MERTK: variants seen among roughly 807,000 people sequenced by gnomAD.
MERTK encodes the protein MER proto-oncogene, tyrosine kinase.
In MERTK, 69 loss-of-function variants were observed where a neutral mutation model predicts 99.3. The ratio of observed to expected loss-of-function variants is 0.70; its 90% CI spans 0.57 to 0.85. The LOEUF (loss-of-function observed/expected upper bound fraction) is 0.85, where lower values mean the gene tolerates loss of function less well. Among genes scored for constraint, MERTK ranks in the 40% least tolerant of loss-of-function variants. The pLI, the probability that MERTK is intolerant of heterozygous loss-of-function variation, is 0.00. For synonymous variants in MERTK, 426 were observed against 467.6 expected (o/e 0.91, Z 1.15); for missense variants, 1,125 against 1,249.4 (o/e 0.90, Z 1.50).
intron 8 of MERTK, among the ~76,000 whole-genome samples, chr2:111,985,761 C>T (rs556336231): frequency 2.5e-4 from 38 of 152,168 alleles, no homozygotes; most frequent in African/African-American, 9.2e-4. Context: ...CACGGGAAAA[C>T]CCCGCCCCCA....
At chr2:111,901,847 G>A (rs1211861322) in intron 1 of MERTK, among the ~76,000 whole-genome samples, 1 of 150,956 alleles carries the variant, frequency 6.6e-6, no homozygotes, top group Non-Finnish European at 1.5e-5. Context: ...GAGCCACCAT[G>A]CACAGCTGAA....
intron 4 of MERTK, among the ~76,000 whole-genome samples, chr2:111,949,779 A>G (rs1234895123): frequency 6.6e-6 from 1 of 152,142 alleles, no homozygotes; most frequent in African/African-American, 2.4e-5. Context: ...CTGTTCTTAT[A>G]TCTGTCATCA....
chr2:111,966,689 TA>T lies in MERTK; in HGVS notation c.844+1414del, dbSNP rs1307516164. Among the ~76,000 whole-genome samples, 3 of 152,212 alleles carry T rather than the reference TA, an allele frequency of 2.0e-5. No individual in the cohort carries two copies. The East Asian group carries it at 5.8e-4, about 29-fold the overall frequency. On this transcript the variant is annotated intron_variant, in intron 5 of 18. Transcript: ENST00000295408. ...ACCAAGCCTCCCTTCTTCTAATGTG[TA>T]ATTACTATGGTATATGTGGTCAAAT... is the stretch of plus-strand genomic sequence containing the variant.
intron 8 of MERTK, among the ~76,000 whole-genome samples, chr2:111,988,428 G>T (rs1331254781): frequency 6.6e-6 from 1 of 152,144 alleles, no homozygotes; most frequent in African/African-American, 2.4e-5. Context: ...AAGCTTCTTG[G>T]TTTGGGGAAC....
intron 8 of MERTK, among the ~76,000 whole-genome samples, chr2:111,989,136 AG>A (rs1014550284): frequency 6.6e-6 from 1 of 152,068 alleles, no homozygotes; most frequent in Non-Finnish European, 1.5e-5. Flanking sequence ...TTCATAATAC[AG>A]TCTCATTCAA....
chr2:111,971,959 T>A (rs1269514387), intron 6 of MERTK, among the ~76,000 whole-genome samples: 1 of 152,266 alleles, frequency 6.6e-6, no homozygotes. Flanking sequence ...AGTTTTTGCT[T>A]CATGTTCTTT....
intron 1 of MERTK, among the ~76,000 whole-genome samples, chr2:111,916,524 G>A (rs1684354526): frequency 1.3e-5 from 2 of 151,596 alleles, no homozygotes; most frequent in South Asian, 4.2e-4. Context: ...TTTGGTTATT[G>A]TATTTTTTTA....
chr2:111,929,067 T>C (rs1684620183), intron 1 of MERTK, 53 bp from the exon 2 acceptor site: 1 of 1,607,624 alleles, frequency 6.2e-7, no homozygotes, highest in Admixed American at 1.7e-5. Flanking sequence ...GGGAACCTAC[T>C]TGGGAAACTC....
intron 2 of MERTK, among the ~76,000 whole-genome samples, chr2:111,943,987 G>A (rs1284199865): frequency 1.3e-5 from 2 of 152,026 alleles, no homozygotes; most frequent in East Asian, 1.9e-4. Flanking sequence ...AACCACTGGT[G>A]CAGAGTCTAC....
At chr2:112,022,006 G>T (rs572867231) in intron 17 of MERTK, among the ~76,000 whole-genome samples, 13 of 152,282 alleles carry the variant, frequency 8.5e-5, no homozygotes, top group Non-Finnish European at 1.8e-4. Flanking sequence ...GTGGAGGAGA[G>T]CACTAAGCAG....
intron 2 of MERTK, chr2:111,930,033 T>C (rs899021221): frequency 1.3e-5 from 2 of 153,650 alleles, no homozygotes; most frequent in Non-Finnish European, 1.4e-5. Context: ...CAATCTGAGC[T>C]TGGCAGTGTT....
intron 6 of MERTK, 133 bp downstream of exon 6, chr2:111,968,385 C>A: frequency 1.4e-6 from 1 of 729,764 alleles, no homozygotes; most frequent in South Asian, 1.5e-5. Flanking sequence ...CTCCCTGCTT[C>A]AGTGTCCAGC....
chr2:111,965,301 C>G (rs1685339403), intron 5 of MERTK, 24 bp downstream of exon 5: 1 of 1,608,022 alleles, frequency 6.2e-7, no homozygotes. Context: ...CTAGGCTCCC[C>G]ATGCATGTTC....
At chr2:111,960,240 G>T (rs773095023) in intron 4 of MERTK, among the ~76,000 whole-genome samples, 20 of 151,996 alleles carry the variant, frequency 1.3e-4, no homozygotes, top group Admixed American at 6.6e-4. Flanking sequence ...CAGCACTTTG[G>T]GAGGCTGAGG....
intron 2 of MERTK, among the ~76,000 whole-genome samples, chr2:111,938,763 A>T (rs1166373542): frequency 2.0e-5 from 3 of 152,098 alleles, no homozygotes; most frequent in Non-Finnish European, 4.4e-5. Context: ...GAACATTCTG[A>T]CTATTCAAAA....
chr2:111,932,461 G>A (rs1394172411), intron 2 of MERTK, among the ~76,000 whole-genome samples: 2 of 152,196 alleles, frequency 1.3e-5, no homozygotes, highest in African/African-American at 4.8e-5. Context: ...GATTATAGGC[G>A]TGAGCCACCG....
At chr2:111,951,319 C>T (rs1045973051) in intron 4 of MERTK, among the ~76,000 whole-genome samples, 3 of 151,756 alleles carry the variant, frequency 2.0e-5, no homozygotes, top group Non-Finnish European at 4.4e-5. Context: ...AGTCCTCACC[C>T]ACCTCCACCC....
At chr2:111,991,462 G>GT (rs1160680700) in intron 8 of MERTK, among the ~76,000 whole-genome samples, 2 of 152,074 alleles carry the variant, frequency 1.3e-5, no homozygotes, top group African/African-American at 4.8e-5. Context: ...CTGACCTCAG[G>GT]TTATCTGCCC....
rs566927382 is a variant in MERTK, at chr2:112,026,110, A to C, written c.2487-2241A>C. ...TAAAGTCTAAATCACTAAATATCAC[A>C]GCCCTCCTATTACTTACCAGATGGG... On this transcript the variant is annotated intron_variant, in intron 18 of 18. Transcript: ENST00000295408. The C allele has an allele frequency of 3.2e-5, 5 of 154,412 alleles. No individual in the cohort carries two copies. The South Asian group carries it at 1.0e-3, about 31-fold the overall frequency. The allele number at this position is 154,412 out of a possible 1,614,324, so 9.6% of individuals were successfully genotyped here.
Sources: gnomAD v4.1 joint callset for allele counts (sites outside exome capture counted in the v4.1 genomes callset) on GRCh38, gnomAD v4.1.1 for gene constraint, MANE v1.5 for transcripts, NCBI Gene and HGNC (gene_info 2026-07-23, HGNC 2026-07-21) for gene names.